Variants in ZNF454 observed in about 807,000 individuals in gnomAD.
The protein encoded by ZNF454 is zinc finger protein 454.
ZNF454 carries 30 observed loss-of-function variants against 48.2 expected under a neutral mutation model. The ratio of observed to expected loss-of-function variants is 0.62; its 90% CI spans 0.47 to 0.84. The LOEUF is 0.84. Among genes scored for constraint, ZNF454 ranks in the 40% least tolerant of loss-of-function variants. The probability of loss-of-function intolerance (pLI) is 0.00; values close to 1 mark genes in which losing one functional copy is unlikely to be tolerated. For missense variants in ZNF454, 510 were observed against 623.1 expected (o/e 0.82, Z 1.93); for synonymous variants, 204 against 211.4 (o/e 0.97, Z 0.30).
At chr5:178,974,477 C>T in the ZNF454 span, among the ~76,000 whole-genome samples, 4 of 152,142 alleles carry the variant, frequency 2.6e-5, no homozygotes, top group African/African-American at 4.8e-5. Flanking sequence ...CGCCACCATG[C>T]CCGGCTAATT....
At chr5:178,956,671 TTTAA>T (rs1460715706) in intron 4 of ZNF454, among the ~76,000 whole-genome samples, 40,006 of 120,222 alleles carry the variant, frequency 0.33, 6,335 homozygotes, top group Non-Finnish European at 0.38. Flanking sequence ...TTTTATTTTA[TTTAA>T]TTTATTTATT....
At chr5:178,960,389 T>C (rs113383870) in intron 4 of ZNF454, among the ~76,000 whole-genome samples, 18,497 of 151,498 alleles carry the variant, frequency 0.12, 1,661 homozygotes, top group African/African-American at 0.23. Context: ...TCCGGAGTAG[T>C]TGGGATTACA....
At chr5:178,982,171 A>G in the ZNF454 span, among the ~76,000 whole-genome samples, 1 of 152,236 alleles carries the variant, frequency 6.6e-6, no homozygotes, top group East Asian at 1.9e-4. Flanking sequence ...GGCAGAGACA[A>G]ACTTCAGGAG....
At chr5:178,987,020 G>T in the ZNF454 span, 1 of 1,604,152 alleles carries the variant, frequency 6.2e-7, no homozygotes, top group Admixed American at 1.7e-5. Context: ...TGGTCCTCCA[G>T]CCCAGCAGAG....
At chr5:178,988,038 G>A in the ZNF454 span, among the ~76,000 whole-genome samples, 3 of 152,288 alleles carry the variant, frequency 2.0e-5, no homozygotes, top group South Asian at 6.2e-4. This position sits in a 1 kb window ranked among gnomAD's most constrained non-coding sequence, Gnocchi z 6.0. Context: ...CAGATTACAG[G>A]AGTGAGCCAT....
At position 178,941,220 on chromosome 5, in the gene ZNF454, C is replaced by A; in HGVS notation, c.-332C>A. Reference sequence around the variant, plus strand: ...TTCGGCTCCCGGCTGCAGACTCCAGCTCATTGTGTTCTGACTGCGATGTGG... The same window carrying A: ...TTCGGCTCCCGGCTGCAGACTCCAGATCATTGTGTTCTGACTGCGATGTGG... On this transcript the variant is annotated 5_prime_UTR_variant, in exon 1 of 5. Transcript: ENST00000519564. This position sits in a 1 kb window ranked among gnomAD's most constrained non-coding sequence, Gnocchi z 5.5. 1 of 373,862 alleles carries A rather than the reference C, an allele frequency of 2.7e-6. No individual in the cohort carries two copies. The highest frequency in any genetic ancestry group is 5.3e-6 in the Non-Finnish European group (1 of 187,426). 23.2% of individuals were successfully genotyped at this position (373,862 alleles called of 1,614,324 possible).
chr5:178,941,445 G>GT lies in ZNF454; in HGVS notation c.-108+2dup. 2.2e-6 allele frequency: 1 copy of GT among 453,472 alleles called. No homozygotes were observed. The highest frequency in any genetic ancestry group is 1.6e-5 in the South Asian group (1 of 64,398). The allele number at this position is 453,472 out of a possible 1,614,324, so 28.1% of individuals were successfully genotyped here. ...TCGAATGCCCCAAACTTCCCGGAAT[G>GT]TATGTCTGAGATTTGATCCCAGAGA... is the stretch of plus-strand genomic sequence containing the variant. On this transcript the variant is annotated splice_donor_variant, in intron 1 of 4. Coordinates refer to ENST00000519564, the MANE Select transcript of ZNF454 (RefSeq NM_001178089.3). LOFTEE classifies it low-confidence loss of function (5UTR_SPLICE). This position sits in a 1 kb window ranked among gnomAD's most constrained non-coding sequence, Gnocchi z 5.5.
chr5:178,982,717 A>T, the ZNF454 span: 2 of 541,890 alleles, frequency 3.7e-6, no homozygotes, highest in Middle Eastern at 5.0e-4. Flanking sequence ...AAAAAAGAAG[A>T]GTGGAAGTTA....
At chr5:178,966,703 C>T (rs1431121786), downstream of ZNF454, among the ~76,000 whole-genome samples, 1 of 152,126 alleles carries the variant, frequency 6.6e-6, no homozygotes, top group East Asian at 1.9e-4. Context: ...AAGAGAGTTG[C>T]CAGCTTTAAT....
chr5:178,988,538 A>G, the ZNF454 span, among the ~76,000 whole-genome samples: 1 of 152,326 alleles, frequency 6.6e-6, no homozygotes, highest in Admixed American at 6.5e-5. The surrounding 1 kb of genome is among the most constrained non-coding windows in gnomAD (Gnocchi z 6.0). Flanking sequence ...TGCCTGGCGC[A>G]TGACTCAGAG....
chr5:178,950,338 C>T (rs1267173691), intron 4 of ZNF454, among the ~76,000 whole-genome samples: 4 of 152,302 alleles, frequency 2.6e-5, no homozygotes, highest in South Asian at 4.1e-4. Context: ...GTGTTGGCTG[C>T]GCCTTTTCAT....
At chr5:178,975,400 C>T in the ZNF454 span, among the ~76,000 whole-genome samples, 7 of 152,184 alleles carry the variant, frequency 4.6e-5, no homozygotes, top group African/African-American at 1.2e-4. Context: ...TTTGAAAACA[C>T]GTGCACAGAA....
the ZNF454 span, chr5:178,981,389 T>G: frequency 1.0e-5 from 5 of 491,218 alleles, no homozygotes; most frequent in Non-Finnish European, 1.8e-5. This position sits in a 1 kb window ranked among gnomAD's most constrained non-coding sequence, Gnocchi z 5.1. Flanking sequence ...TTTAGTCCCT[T>G]TCTAGAGCTA....
At chr5:178,967,742 CT>C (rs10694687), downstream of ZNF454, among the ~76,000 whole-genome samples, 30 of 129,524 alleles carry the variant, frequency 2.3e-4, no homozygotes, top group Non-Finnish European at 2.5e-4. Flanking sequence ...TTTTCTTTTT[CT>C]TTTTTTTTTT....
At position 178,942,738 on chromosome 5, in the gene ZNF454, C is replaced by G. The variant is rs769594790; in HGVS notation, c.-54C>G. 1.2e-6 allele frequency: 2 copies of G among 1,610,500 alleles called. No homozygotes were observed. The highest frequency in any genetic ancestry group is 1.7e-6 in the Non-Finnish European group (2 of 1,177,170). ...AGTCCTGCAGGTGTGAAGCTCCACACCTGCCTCCATAGCACTTTGCCTGTC... is the reference window on the plus strand; with the variant it reads ...AGTCCTGCAGGTGTGAAGCTCCACAGCTGCCTCCATAGCACTTTGCCTGTC... On this transcript the variant is annotated 5_prime_UTR_variant, in exon 2 of 5. Transcript: ENST00000519564.
chr5:178,985,006 A>G, the ZNF454 span, among the ~76,000 whole-genome samples: 1 of 152,130 alleles, frequency 6.6e-6, no homozygotes, highest in Non-Finnish European at 1.5e-5. Context: ...CAAGGCTGTA[A>G]TAACTTTACT....
the ZNF454 span, chr5:178,985,719 A>G: frequency 2.4e-6 from 1 of 417,884 alleles, no homozygotes; most frequent in Admixed American, 3.0e-5. Context: ...AAAAAACAAA[A>G]CAACACAGGA....
the ZNF454 span, among the ~76,000 whole-genome samples, chr5:178,972,695 G>T: frequency 1.3e-5 from 2 of 151,862 alleles, no homozygotes; most frequent in African/African-American, 4.8e-5. Context: ...GCGGCCTTTG[G>T]TGGCTCACCC....
the ZNF454 span, among the ~76,000 whole-genome samples, chr5:178,988,021 A>C: frequency 6.6e-6 from 1 of 152,068 alleles, no homozygotes; most frequent in African/African-American, 2.4e-5. The surrounding 1 kb of genome is among the most constrained non-coding windows in gnomAD (Gnocchi z 6.0). Context: ...CGGCCTCCCA[A>C]AGTGCTCAGA....
Sources: gnomAD v4.1 joint callset for allele counts (sites outside exome capture counted in the v4.1 genomes callset) on GRCh38, gnomAD v4.1.1 for gene constraint, Gnocchi (gnomAD v3.1) non-coding constraint, MANE v1.5 for transcripts, NCBI Gene and HGNC (gene_info 2026-07-23, HGNC 2026-07-21) for gene names.